PPP1R14A: variants seen among roughly 807,000 people sequenced by gnomAD.
The protein encoded by PPP1R14A is protein phosphatase 1 regulatory inhibitor subunit 14A.
PPP1R14A carries 9 observed loss-of-function variants against 14.1 expected under a neutral mutation model. The ratio of observed to expected loss-of-function variants is 0.64; its 90% confidence interval spans 0.38 to 1.11. The LOEUF (loss-of-function observed/expected upper bound fraction) is 1.11. PPP1R14A is among the 50% of genes most tolerant of loss of function. The probability of loss-of-function intolerance (pLI) is 0.01; values close to 1 mark genes in which losing one functional copy is unlikely to be tolerated. For missense variants in PPP1R14A, 208 were observed against 200.7 expected (o/e 1.04, Z -0.22); for synonymous variants, 93 against 88.7 (o/e 1.05, Z -0.27).
intron 1 of PPP1R14A, among the ~76,000 whole-genome samples, chr19:38,254,424 C>A (rs1043350679): frequency 6.6e-6 from 1 of 151,740 alleles, no homozygotes; most frequent in Non-Finnish European, 1.5e-5. Flanking sequence ...CCTGCCTCAG[C>A]CTCCCAAGTA....
Position 38,252,318 on chromosome 19 carries a change from C to T in PPP1R14A, c.303G>A (p.Gly101=), listed in dbSNP as rs182298740. ...AGAGAAAACTCACCTCGACAGGTTT[C>T]CCACATGACTTCAGGAGTCCCTAAA... is the stretch of plus-strand genomic sequence containing the variant. The part of the protein sequence containing the change: ...RKIQGLLKSC[G]KPVEDFIQEL... The change falls in exon 3 of 4, where the codon GGG becomes GGA. Residue 101 remains glycine, a synonymous_variant. Coordinates refer to ENST00000301242, the MANE Select transcript of PPP1R14A (RefSeq NM_033256.3). The surrounding 1 kb of genome is among the most constrained non-coding windows in gnomAD (Gnocchi z 4.1). 5.6e-6 allele frequency: 9 copies of T among 1,612,512 alleles called. No homozygotes were observed. Among genetic ancestry groups the T allele is most frequent in the African/African-American group, 2.7e-5 (2 of 74,974 alleles).
At chr19:38,253,139 T>TG (rs1454806421) in intron 1 of PPP1R14A, 165 bp from the exon 2 acceptor site, 16 of 560,442 alleles carry the variant, frequency 2.9e-5, no homozygotes, top group Non-Finnish European at 1.6e-5. Flanking sequence ...ATCTGGGTGT[T>TG]GGGGGGGAGG....
At chr19:38,253,473 A>C (rs1217434053) in intron 1 of PPP1R14A, among the ~76,000 whole-genome samples, 3 of 151,804 alleles carry the variant, frequency 2.0e-5, no homozygotes, top group Non-Finnish European at 4.4e-5. Flanking sequence ...CAGCCCCCAG[A>C]GGGCCAAAAT....
In PPP1R14A at chr19:38,252,813, A is replaced by G. The variant is rs1479520362; in HGVS notation, c.282+81T>C. On this transcript the variant is annotated intron_variant, in intron 2 of 3. Transcript: ENST00000301242. This position sits in a 1 kb window ranked among gnomAD's most constrained non-coding sequence, Gnocchi z 4.1. ...CACCAGTGCCCGGCATCTAGTGAGC[A>G]CTCAGTAAACACGTGAACTATTGCT... 9.8e-7 allele frequency: 1 copy of G among 1,017,906 alleles called. No individual in the cohort carries two copies. The highest frequency in any genetic ancestry group is 1.3e-5 in the South Asian group (1 of 78,388). The allele number at this position is 1,017,906 out of a possible 1,614,324, so 63.1% of individuals were successfully genotyped here.
chr19:38,251,596 A>G (rs1968191120), intron 3 of PPP1R14A, 150 bp from the exon 4 acceptor site: 1 of 555,684 alleles, frequency 1.8e-6, no homozygotes, highest in Non-Finnish European at 3.0e-6. Flanking sequence ...ACATAGAGAG[A>G]AAAGTGAGCC....
chr19:38,253,055 C>T (rs1263370286), intron 1 of PPP1R14A, 81 bp from the exon 2 acceptor site: 4 of 1,134,428 alleles, frequency 3.5e-6, no homozygotes, highest in Non-Finnish European at 5.3e-6. Context: ...AGGAGCCCCA[C>T]CGGCCCCAGG....
At chr19:38,253,008 C>T (rs1424823336) in intron 1 of PPP1R14A, 34 bp from the exon 2 acceptor site, 1 of 1,523,876 alleles carries the variant, frequency 6.6e-7, no homozygotes, top group East Asian at 2.3e-5. Context: ...CTTAGGATCC[C>T]CTTCCCTCCC....
In PPP1R14A at chr19:38,253,123, C is replaced by T. The variant is rs113259216; in HGVS notation, c.202-149G>A. 630 of 622,218 alleles carry T rather than the reference C, an allele frequency of 1.0e-3. 7 individuals are homozygous for T. The African/African-American group carries it at 0.011, about 11-fold the overall frequency. 38.5% of individuals were successfully genotyped at this position (622,218 alleles called of 1,614,324 possible). A position where few individuals can be genotyped will look rare whatever the true frequency, so the allele number is the denominator to read the frequency against. ...GCAGTCCGGGACAGCACTGCCAAGA[C>T]GGGACATCTGGGTGTTGGGGGGGAG... On this transcript the variant is annotated intron_variant, in intron 1 of 3. Coordinates refer to ENST00000301242, the MANE Select transcript of PPP1R14A (RefSeq NM_033256.3).
Position 38,252,195 on chromosome 19 carries a change from G to C in PPP1R14A, c.315+111C>G. 3 of 1,030,238 alleles carry C rather than the reference G, an allele frequency of 2.9e-6. No individual in the cohort carries two copies. 63.8% of individuals were successfully genotyped at this position (1,030,238 alleles called of 1,614,324 possible). On this transcript the variant is annotated intron_variant, in intron 3 of 3. Coordinates refer to ENST00000301242, the MANE Select transcript of PPP1R14A (RefSeq NM_033256.3). This position sits in a 1 kb window ranked among gnomAD's most constrained non-coding sequence, Gnocchi z 4.1. ...TGCGGAGGGCAGGTTGGGGCCGGGG[G>C]TGGTGGGGCCGGGTGGTGTTCCCCA...
chr19:38,252,853 G>C lies in PPP1R14A; in HGVS notation c.282+41C>G, dbSNP rs1190391673. ...GAACTATTGCTATTATTTTTAGGGA[G>C]GTGCAAAGTGGGAGGCTGGGGGACA... On this transcript the variant is annotated intron_variant, in intron 2 of 3. Coordinates refer to ENST00000301242, the MANE Select transcript of PPP1R14A (RefSeq NM_033256.3). This position sits in a 1 kb window ranked among gnomAD's most constrained non-coding sequence, Gnocchi z 4.1. 1 of 1,396,578 alleles carries C rather than the reference G, an allele frequency of 7.2e-7. No individual in the cohort carries two copies. Among genetic ancestry groups the C allele is most frequent in the Admixed American group, 1.7e-5 (1 of 59,706 alleles). 86.5% of individuals were successfully genotyped at this position (1,396,578 alleles called of 1,614,324 possible). A position where few individuals can be genotyped will look rare whatever the true frequency, so the allele number is the denominator to read the frequency against.
Position 38,252,920 on chromosome 19 carries a change from C to T in PPP1R14A, c.256G>A (p.Glu86Lys), listed in dbSNP as rs61750951. The T allele has an allele frequency of 6.2e-7, 1 of 1,614,074 alleles. No homozygotes were observed. Among genetic ancestry groups the T allele is most frequent in the South Asian group, 1.1e-5 (1 of 91,084 alleles). Residue 86 changes from glutamate to lysine, a missense_variant, in exon 2 of 4, where the codon GAA (glutamate) becomes AAA (lysine). By Grantham distance (56) the Glu-to-Lys change is moderately conservative (BLOSUM62 1). Coordinates refer to ENST00000301242, the MANE Select transcript of PPP1R14A (RefSeq NM_033256.3). This position sits in a 1 kb window ranked among gnomAD's most constrained non-coding sequence, Gnocchi z 4.1. Reference protein sequence around the residue: ...NIDELLELESEEERSRKIQGL... With the variant: ...NIDELLELESKEERSRKIQGL... Reference sequence around the variant, plus strand: ...TGGATTTTCCGGCTTCTCTCCTCTTCACTCTCTAACTCCAACAATTCATCA... The same window carrying T: ...TGGATTTTCCGGCTTCTCTCCTCTTTACTCTCTAACTCCAACAATTCATCA...
chr19:38,251,668 GAGAT>G (rs921022283), intron 3 of PPP1R14A, among the ~76,000 whole-genome samples: 3 of 151,932 alleles, frequency 2.0e-5, no homozygotes, highest in African/African-American at 7.3e-5. Context: ...GCTAGGAAGA[GAGAT>G]AGAGATCCAA....
Position 38,252,882 on chromosome 19 carries a change from C to G in PPP1R14A, c.282+12G>C. ...CAAAGTGGGAGGCTGGGGGACACGT[C>G]CCCCCACCTACCTGGATTTTCCGGC... On this transcript the variant is annotated intron_variant, in intron 2 of 3. Coordinates refer to ENST00000301242, the MANE Select transcript of PPP1R14A (RefSeq NM_033256.3). The surrounding 1 kb of genome is among the most constrained non-coding windows in gnomAD (Gnocchi z 4.1). The G allele has an allele frequency of 6.3e-7, 1 of 1,590,634 alleles. No individual in the cohort carries two copies. Among genetic ancestry groups the G allele is most frequent in the Non-Finnish European group, 8.6e-7 (1 of 1,158,662 alleles).
rs1165361136 is a variant in PPP1R14A at position 38,252,184 on chromosome 19, T to G, written c.315+122A>C. On this transcript the variant is annotated intron_variant, in intron 3 of 3. Transcript: ENST00000301242. This position sits in a 1 kb window ranked among gnomAD's most constrained non-coding sequence, Gnocchi z 4.1. ...CCAGAAAGAGCTGCGGAGGGCAGGT[T>G]GGGGCCGGGGGTGGTGGGGCCGGGT... 1.2e-6 allele frequency: 1 copy of G among 841,076 alleles called. No individual in the cohort carries two copies. Among genetic ancestry groups the G allele is most frequent in the Non-Finnish European group, 1.9e-6 (1 of 533,112 alleles). The allele number at this position is 841,076 out of a possible 1,614,324, so 52.1% of individuals were successfully genotyped here.
chr19:38,256,264 T>C lies in PPP1R14A; in HGVS notation c.76A>G (p.Ser26Gly). The stretch of plus-strand genomic sequence containing the variant: ...TGCCGCTTCTGCAGCCCCCCGGGAC[T>C]GCCCCCTGGCCCGCGGGCCCGCGAT... The part of the protein sequence containing the change: ...SPSRARGPGG[S>G]PGGLQKRHAR... Residue 26 changes from serine (S) to glycine (G), a missense_variant, in exon 1 of 4, where the codon AGT (serine) becomes GGT (glycine). Ser to Gly is a moderately conservative substitution (Grantham distance 56). Transcript: ENST00000301242. This position sits in a 1 kb window ranked among gnomAD's most constrained non-coding sequence, Gnocchi z 5.7. 3 of 1,547,274 alleles carry C rather than the reference T, an allele frequency of 1.9e-6. No homozygotes were observed. Among genetic ancestry groups the C allele is most frequent in the Non-Finnish European group, 2.6e-6 (3 of 1,152,092 alleles).
At chr19:38,251,939 G>A in intron 3 of PPP1R14A, 1 of 396,094 alleles carries the variant, frequency 2.5e-6, no homozygotes, top group East Asian at 4.5e-5. Context: ...TCAGGGCCTG[G>A]GAGGATGGAG....
chr19:38,251,382 G>A lies in PPP1R14A; in HGVS notation c.380C>T (p.Pro127Leu), dbSNP rs752868694. 10 of 1,560,136 alleles carry A rather than the reference G, an allele frequency of 6.4e-6. 1 individual carries two copies. The Admixed American group carries it at 1.2e-4, about 19-fold the overall frequency. ...GAGGCTGCCGTCGTGGGAGGGGCTT[G>A]GCTGGCGGAGGCCGGGCTGCCTGTG... is the stretch of plus-strand genomic sequence containing the variant. ...GLHRQPGLRQ[P>L]SPSHDGSLSP... The change falls in exon 4 of 4, where the codon CCA becomes CTA. Residue 127 changes from proline to leucine, a missense_variant. Physicochemically the swap from Pro to Leu is moderately conservative, Grantham distance 98. Transcript: ENST00000301242.
chr19:38,252,333 G>A lies in PPP1R14A; in HGVS notation c.288C>T (p.Leu96=), dbSNP rs1968199803. Residue 96 remains leucine, a synonymous_variant, in exon 3 of 4, where the codon CTC becomes CTT. Transcript: ENST00000301242. This position sits in a 1 kb window ranked among gnomAD's most constrained non-coding sequence, Gnocchi z 4.1. ...CGACAGGTTTCCCACATGACTTCAG[G>A]AGTCCCTAAAACCCCCAACCAAGAA... The part of the protein sequence containing the change: ...EEERSRKIQG[L]LKSCGKPVED... 1 of 1,612,488 alleles carries A rather than the reference G, an allele frequency of 6.2e-7. No homozygotes were observed. The highest frequency in any genetic ancestry group is 1.3e-5 in the African/African-American group (1 of 74,838).
In PPP1R14A at chr19:38,256,363, C is replaced by A; in HGVS notation, c.-24G>T. 7.1e-7 allele frequency: 1 copy of A among 1,403,724 alleles called. No individual in the cohort carries two copies. The highest frequency in any genetic ancestry group is 2.9e-5 in the East Asian group (1 of 34,210). The allele number at this position is 1,403,724 out of a possible 1,614,324, so 87.0% of individuals were successfully genotyped here. On this transcript the variant is annotated 5_prime_UTR_variant, in exon 1 of 4. Transcript: ENST00000301242. The surrounding 1 kb of genome is among the most constrained non-coding windows in gnomAD (Gnocchi z 5.7). ...ATCGCGCTGCTGGACCCAGCCTGGC[C>A]CCGCGCTGTGCGCCTTCGCCTCGCG...
Sources: allele counts gnomAD v4.1 joint callset (sites outside exome capture counted in the v4.1 genomes callset), GRCh38; gene constraint gnomAD v4.1.1; non-coding constraint Gnocchi (gnomAD v3.1); transcripts MANE v1.5; gene names NCBI Gene and HGNC (gene_info 2026-07-23, HGNC 2026-07-21).